IST1: variants seen among roughly 807,000 people sequenced by gnomAD.
IST1 encodes the protein IST1 homolog.
In IST1, 23 loss-of-function variants were observed where a neutral mutation model predicts 37.0. The observed-to-expected ratio is 0.62, with a 90% CI of 0.45 to 0.88. IST1 has a LOEUF of 0.88. IST1 is among the 40% of genes least tolerant of loss of function. The probability of loss-of-function intolerance (pLI) is 0.00; values close to 1 mark genes in which losing one functional copy is unlikely to be tolerated. For synonymous variants in IST1, 180 were observed against 161.7 expected (o/e 1.11, Z -0.86); for missense variants, 488 against 445.4 (o/e 1.10, Z -0.86).
chr16:71,923,435 G>C (rs1030411520), intron 8 of IST1, 55 bp downstream of exon 8: 6 of 1,140,646 alleles, frequency 5.3e-6, no homozygotes, highest in Admixed American at 3.6e-5. Context: ...CATGAAGAGC[G>C]AGCAAAATAA....
At chr16:71,895,755 C>T (rs1485902185) in intron 1 of IST1, 166 bp downstream of exon 1, 2 of 186,938 alleles carry the variant, frequency 1.1e-5, no homozygotes, top group Non-Finnish European at 2.0e-5. Flanking sequence ...GACCGGAGGT[C>T]AGGCCCTCGA....
rs1268136950 is a variant in IST1, at chr16:71,916,517, A to G, written c.144A>G (p.Lys48=). ...TTGCTGACTATCTGGCTGCTGGGAA[A>G]GATGAACGAGCTCGGATCCGTGTGG... is the stretch of plus-strand genomic sequence containing the variant. The part of the protein sequence containing the change: ...KEIADYLAAG[K]DERARIRVEH... The change falls in exon 3 of 10, where the codon AAA becomes AAG. Residue 48 remains lysine (K), a synonymous_variant. Coordinates refer to ENST00000378799, the MANE Select transcript of IST1 (RefSeq NM_001270975.2). 2 of 1,613,634 alleles carry G rather than the reference A, an allele frequency of 1.2e-6. No homozygotes were observed.
rs1404591015 is a variant in IST1 at position 71,928,653 on chromosome 16, G to A, written c.*840G>A. The A allele has an allele frequency of 6.6e-6, 1 of 152,620 alleles. No individual in the cohort carries two copies. The highest frequency in any genetic ancestry group is 1.5e-5 in the Non-Finnish European group (1 of 68,046). The allele number at this position is 152,620 out of a possible 1,614,324, so 9.5% of individuals were successfully genotyped here. A position where few individuals can be genotyped will look rare whatever the true frequency, so the allele number is the denominator to read the frequency against. ...CTTAATAGAAGTACTCAAGTCTTTT[G>A]GGTAGTGAGCTGGAAAGCCTACAGG... is the stretch of plus-strand genomic sequence containing the variant. On this transcript the variant is annotated 3_prime_UTR_variant, in exon 10 of 10. Coordinates refer to ENST00000378799, the MANE Select transcript of IST1 (RefSeq NM_001270975.2).
chr16:71,896,375 G>C lies in IST1; in HGVS notation c.-16+786G>C, dbSNP rs949731536. The stretch of plus-strand genomic sequence containing the variant: ...CTTAAAGTCTGGTCTTAGATCTTTA[G>C]GGGAAACTTGAATTTTAAAATTATG... On this transcript the variant is annotated intron_variant, in intron 1 of 9. Coordinates refer to ENST00000378799, the MANE Select transcript of IST1 (RefSeq NM_001270975.2). 2.9e-4 allele frequency among the ~76,000 whole-genome samples: 44 copies of C among 152,018 alleles called. 2 individuals are homozygous for C. The highest frequency in any genetic ancestry group is 2.9e-5 in the Non-Finnish European group (2 of 68,008).
At position 71,931,172 on chromosome 16, in the gene IST1, T is replaced by C. The variant is rs2037947479; in HGVS notation, c.*3359T>C. The C allele has an allele frequency of 6.6e-6, 1 of 152,222 alleles. No individual in the cohort carries two copies. Among genetic ancestry groups the C allele is most frequent in the Admixed American group, 6.5e-5 (1 of 15,284 alleles). The allele number at this position is 152,222 out of a possible 1,614,324, so 9.4% of individuals were successfully genotyped here. A position where few individuals can be genotyped will look rare whatever the true frequency, so the allele number is the denominator to read the frequency against. On this transcript the variant is annotated 3_prime_UTR_variant, in exon 10 of 10. Coordinates refer to ENST00000378799, the MANE Select transcript of IST1 (RefSeq NM_001270975.2). ...ATCCAAAGCAGAAAAGTTCCTTTTT[T>C]ATCCCCAAAAGGAGGTGTCAGCAAA...
upstream of IST1, chr16:71,894,820 G>A (rs753996328): frequency 2.0e-6 from 3 of 1,533,876 alleles, no homozygotes; most frequent in South Asian, 2.4e-5. Flanking sequence ...TCCCTTCCAG[G>A]CTTAAGCAGC....
chr16:71,922,827 A>G, intron 7 of IST1, 147 bp downstream of exon 7: 3 of 670,940 alleles, frequency 4.5e-6, no homozygotes, highest in Middle Eastern at 2.5e-4. Context: ...TTGTGGGGAA[A>G]AAACACATTG....
rs1056030327 is a variant in IST1 at position 71,929,786 on chromosome 16, C to T, written c.*1973C>T. The T allele has an allele frequency of 4.3e-6, 5 of 1,151,420 alleles. No homozygotes were observed. Among genetic ancestry groups the T allele is most frequent in the South Asian group, 1.7e-5 (1 of 59,268 alleles). The allele number at this position is 1,151,420 out of a possible 1,614,324, so 71.3% of individuals were successfully genotyped here. A position where few individuals can be genotyped will look rare whatever the true frequency, so the allele number is the denominator to read the frequency against. On this transcript the variant is annotated 3_prime_UTR_variant, in exon 10 of 10. Transcript: ENST00000378799. Reference sequence around the variant, plus strand: ...TAAAAAATTAGTAAATGTAAAGATACTATTTCTTTAATAATTTGCAGTCAG... The same window carrying T: ...TAAAAAATTAGTAAATGTAAAGATATTATTTCTTTAATAATTTGCAGTCAG...
chr16:71,902,277 GT>G (rs968135842), intron 1 of IST1, among the ~76,000 whole-genome samples: 12 of 148,334 alleles, frequency 8.1e-5, no homozygotes, highest in African/African-American at 2.0e-4. Context: ...AGATTTAATT[GT>G]TTTTTTTTTG....
chr16:71,914,731 T>C (rs1272229370), intron 1 of IST1, among the ~76,000 whole-genome samples: 2 of 152,368 alleles, frequency 1.3e-5, no homozygotes, highest in East Asian at 1.9e-4. Context: ...CTATTCCTAC[T>C]GCTCTTTCTT....
intron 1 of IST1, among the ~76,000 whole-genome samples, chr16:71,915,347 C>T (rs117301077): frequency 1.1e-4 from 16 of 152,258 alleles, no homozygotes; most frequent in Non-Finnish European, 2.1e-4. Context: ...AATCCAGTTG[C>T]TGACACTGCT....
chr16:71,905,851 G>T (rs2037212125), intron 1 of IST1, among the ~76,000 whole-genome samples: 1 of 152,088 alleles, frequency 6.6e-6, no homozygotes, highest in African/African-American at 2.4e-5. Flanking sequence ...AGACAGTACT[G>T]GTTTTGTTTT....
Position 71,930,040 on chromosome 16 carries a change from T to C in IST1, c.*2227T>C. 2 of 1,544,954 alleles carry C rather than the reference T, an allele frequency of 1.3e-6. No homozygotes were observed. Among genetic ancestry groups the C allele is most frequent in the East Asian group, 2.4e-5 (1 of 40,884 alleles). On this transcript the variant is annotated 3_prime_UTR_variant, in exon 10 of 10. Transcript: ENST00000378799. The stretch of plus-strand genomic sequence containing the variant: ...ATATAACAGCATGCTAGTTTATCTT[T>C]TAGTTACCTACCTTAAGCGACTTTC...
intron 4 of IST1, among the ~76,000 whole-genome samples, chr16:71,917,809 T>C (rs1450400619): frequency 6.6e-6 from 1 of 152,220 alleles, no homozygotes; most frequent in Non-Finnish European, 1.5e-5. Flanking sequence ...ATATTTTTTA[T>C]GGTTTGTTTC....
At chr16:71,901,840 G>A (rs1337038108) in intron 1 of IST1, among the ~76,000 whole-genome samples, 1 of 152,178 alleles carries the variant, frequency 6.6e-6, no homozygotes, top group African/African-American at 2.4e-5. Context: ...AAAACACTGT[G>A]CTAGGCAGTG....
intron 6 of IST1, chr16:71,921,680 G>A: frequency 2.2e-6 from 1 of 457,120 alleles, no homozygotes; most frequent in Non-Finnish European, 4.0e-6. Flanking sequence ...AATGTAAAAT[G>A]GCACTATTAT....
In IST1 at chr16:71,929,669, C is replaced by T. The variant is rs980866833; in HGVS notation, c.*1856C>T. ...TTCTGTAGCAGTGTATCTATTAGTGCAGCTTCTTTCTGAGTATTGAAGACA... is the reference window on the plus strand; with the variant it reads ...TTCTGTAGCAGTGTATCTATTAGTGTAGCTTCTTTCTGAGTATTGAAGACA... On this transcript the variant is annotated 3_prime_UTR_variant, in exon 10 of 10. Transcript: ENST00000378799. The T allele has an allele frequency of 1.9e-6, 3 of 1,545,200 alleles. No homozygotes were observed. The highest frequency in any genetic ancestry group is 2.4e-5 in the East Asian group (1 of 40,894).
At chr16:71,902,730 C>G (rs1037758807) in intron 1 of IST1, among the ~76,000 whole-genome samples, 3 of 152,074 alleles carry the variant, frequency 2.0e-5, no homozygotes, top group Non-Finnish European at 2.9e-5. Context: ...TCTTTAGAAT[C>G]TGTAGTGATA....
chr16:71,895,010 G>A (rs576899991), upstream of IST1: 10 of 587,510 alleles, frequency 1.7e-5, no homozygotes, highest in Admixed American at 5.8e-5. Context: ...GCGGGGCGGG[G>A]GAACGCTTAG....
Sources: gnomAD v4.1 joint callset for allele counts (sites outside exome capture counted in the v4.1 genomes callset) on GRCh38, gnomAD v4.1.1 for gene constraint, MANE v1.5 for transcripts, NCBI Gene and HGNC (gene_info 2026-07-23, HGNC 2026-07-21) for gene names.